CD247: variants seen among roughly 807,000 people sequenced by gnomAD.
CD247 encodes the protein CD247 molecule, also known as T-cell surface glycoprotein CD3 zeta chain.
Under a neutral mutation model 30.0 loss-of-function variants are expected in CD247, and 13 were observed. The ratio of observed to expected loss-of-function variants is 0.43; its 90% CI spans 0.28 to 0.69. The LOEUF is 0.69. CD247 is among the 30% of genes least tolerant of loss of function. The probability of loss-of-function intolerance (pLI) is 0.16; values close to 1 mark genes in which losing one functional copy is unlikely to be tolerated. For missense variants in CD247, 193 were observed against 212.6 expected, an observed-to-expected ratio of 0.91 and a Z score of 0.57; for synonymous variants, 72 against 80.0, an observed-to-expected ratio of 0.90 and a Z score of 0.53.
At chr1:167,475,752 G>T (rs1037469907) in intron 1 of CD247, among the ~76,000 whole-genome samples, 1 of 152,174 alleles carries the variant, frequency 6.6e-6, no homozygotes, top group Non-Finnish European at 1.5e-5. Flanking sequence ...AATTCACACT[G>T]TGGGAGATTC....
chr1:167,479,183 G>A (rs1653869857), intron 1 of CD247, among the ~76,000 whole-genome samples: 1 of 152,202 alleles, frequency 6.6e-6, no homozygotes, highest in Non-Finnish European at 1.5e-5. Context: ...TGTAAAGAAA[G>A]TAGCACGTGA....
chr1:167,481,471 A>G (rs1653970771), intron 1 of CD247, among the ~76,000 whole-genome samples: 1 of 152,174 alleles, frequency 6.6e-6, no homozygotes, highest in Non-Finnish European at 1.5e-5. Flanking sequence ...AGTTGGGAGC[A>G]GAGGGAGGAT....
chr1:167,444,730 T>C (rs957696585), intron 1 of CD247, among the ~76,000 whole-genome samples: 4 of 152,178 alleles, frequency 2.6e-5, no homozygotes, highest in African/African-American at 9.7e-5. Context: ...CTGCCTTCTG[T>C]AGAGATGCAG....
chr1:167,440,450 C>T (rs1269285157), intron 2 of CD247: 4 of 611,942 alleles, frequency 6.5e-6, no homozygotes, highest in Non-Finnish European at 1.2e-5. Flanking sequence ...GTGCCTAGCA[C>T]CAGGCTCTCC....
intron 1 of CD247, among the ~76,000 whole-genome samples, chr1:167,491,567 C>CAAAAAAAAAAAAAAA (rs34384774): frequency 7.0e-6 from 1 of 143,406 alleles, no homozygotes; most frequent in Non-Finnish European, 1.5e-5. Context: ...AACTCCATCT[C>CAAAAAAAAAAAAAAA]AAAAAAAAAA....
chr1:167,510,621 C>T (rs1655347144), intron 1 of CD247, among the ~76,000 whole-genome samples: 1 of 152,208 alleles, frequency 6.6e-6, no homozygotes, highest in Non-Finnish European at 1.5e-5. Flanking sequence ...TCATGCCCAG[C>T]CCAGATGATG....
intron 5 of CD247, chr1:167,434,703 T>G: frequency 2.3e-6 from 1 of 438,066 alleles, no homozygotes; most frequent in South Asian, 1.6e-5. Context: ...TGTGTCCCCC[T>G]ACACCCCAGG....
At chr1:167,439,467 G>T in intron 2 of CD247, 67 bp from the exon 3 acceptor site, 1 of 1,470,428 alleles carries the variant, frequency 6.8e-7, no homozygotes, top group Non-Finnish European at 9.5e-7. Context: ...GGGTGCCAGG[G>T]CGCGCGGCGA....
rs770758796 is a variant in CD247, at chr1:167,433,019, C to T, written c.429+5G>A. 17 of 1,614,190 alleles carry T rather than the reference C, an allele frequency of 1.1e-5. No homozygotes were observed. The South Asian group carries it at 1.6e-4, about 16-fold the overall frequency. On this transcript the variant is annotated splice_donor_5th_base_variant and intron_variant, in intron 7 of 7. Coordinates refer to ENST00000362089, the MANE Select transcript of CD247 (RefSeq NM_198053.3). The stretch of plus-strand genomic sequence containing the variant: ...TTCCACTGAAGGGACGCCGGCAGCT[C>T]CTACCTGGTAAAGGCCATCGTGCCC...
chr1:167,439,561 C>T (rs1177445174), intron 2 of CD247, 161 bp from the exon 3 acceptor site: 7 of 644,566 alleles, frequency 1.1e-5, no homozygotes, highest in Non-Finnish European at 2.0e-5. Context: ...GGGGCCGGGG[C>T]GTGGCAGCCC....
At chr1:167,447,230 G>T (rs1442019865) in intron 1 of CD247, among the ~76,000 whole-genome samples, 1 of 152,158 alleles carries the variant, frequency 6.6e-6, no homozygotes, top group South Asian at 2.1e-4. Flanking sequence ...AGATAATGAC[G>T]TTGCAGCTCC....
intron 1 of CD247, among the ~76,000 whole-genome samples, chr1:167,495,912 C>T (rs755341318): frequency 1.3e-5 from 2 of 152,208 alleles, no homozygotes; most frequent in Non-Finnish European, 2.9e-5. Context: ...CTGACACTTC[C>T]TATGCACCTT....
chr1:167,494,737 G>A lies in CD247; in HGVS notation c.58+23671C>T, dbSNP rs372947911. On this transcript the variant is annotated intron_variant, in intron 1 of 7. Transcript: ENST00000362089. This position sits in a 1 kb window ranked among gnomAD's most constrained non-coding sequence, Gnocchi z 7.3. ...CATTTTGTATCTCCTATAATTCCTG[G>A]ATACAGATAAATGTTTATTAAAGAA... is the stretch of plus-strand genomic sequence containing the variant. Among the ~76,000 whole-genome samples, 54 of 152,242 alleles carry A rather than the reference G, an allele frequency of 3.5e-4. No homozygotes were observed. Among genetic ancestry groups the A allele is most frequent in the African/African-American group, 1.2e-3 (51 of 41,518 alleles).
chr1:167,484,537 G>A (rs544265240), intron 1 of CD247, among the ~76,000 whole-genome samples: 1 of 152,344 alleles, frequency 6.6e-6, no homozygotes, highest in South Asian at 2.1e-4. Flanking sequence ...AGCACTTTGG[G>A]AGGCCAAGGC....
chr1:167,456,663 T>G (rs1194682509), intron 1 of CD247, among the ~76,000 whole-genome samples: 1 of 152,120 alleles, frequency 6.6e-6, no homozygotes, highest in Non-Finnish European at 1.5e-5. Context: ...ACCACCACCT[T>G]CTGGGTTGGA....
At chr1:167,488,569 T>C (rs984422056) in intron 1 of CD247, among the ~76,000 whole-genome samples, 6 of 152,150 alleles carry the variant, frequency 3.9e-5, no homozygotes, top group African/African-American at 1.4e-4. Context: ...AGGACCCTGA[T>C]CAGACACTGA....
intron 1 of CD247, among the ~76,000 whole-genome samples, chr1:167,501,958 G>A (rs1272760939): frequency 4.6e-5 from 7 of 152,238 alleles, no homozygotes; most frequent in Admixed American, 3.9e-4. Context: ...ACTACAAAAT[G>A]TGCAGGCAAT....
At chr1:167,463,775 G>T (rs528883933) in intron 1 of CD247, among the ~76,000 whole-genome samples, 1 of 152,298 alleles carries the variant, frequency 6.6e-6, no homozygotes, top group Middle Eastern at 3.4e-3. Context: ...ATTCAATTAA[G>T]GATAATGTCA....
chr1:167,510,758 G>A (rs1342348820), intron 1 of CD247, among the ~76,000 whole-genome samples: 1 of 152,176 alleles, frequency 6.6e-6, no homozygotes, highest in East Asian at 1.9e-4. Flanking sequence ...CAAAAGAGGG[G>A]GGTAGGGGTT....
Sources: gnomAD v4.1 joint callset for allele counts (sites outside exome capture counted in the v4.1 genomes callset) on GRCh38, gnomAD v4.1.1 for gene constraint, Gnocchi (gnomAD v3.1) non-coding constraint, MANE v1.5 for transcripts, NCBI Gene and HGNC (gene_info 2026-07-23, HGNC 2026-07-21) for gene names.